Variants in SGCD observed in about 807,000 individuals in gnomAD.
SGCD encodes sarcoglycan delta.
SGCD carries 18 observed loss-of-function variants against 36.6 expected under a neutral mutation model. That is an observed-to-expected ratio of 0.49 (90% CI 0.34 to 0.73). The LOEUF (loss-of-function observed/expected upper bound fraction) is 0.73. Among genes scored for constraint, SGCD ranks in the 30% least tolerant of loss-of-function variants. The probability of loss-of-function intolerance (pLI) is 0.01; values close to 1 mark genes in which losing one functional copy is unlikely to be tolerated. For missense variants in SGCD, 387 were observed against 346.7 expected, an observed-to-expected ratio of 1.12 and a Z score of -0.92; for synonymous variants, 133 against 130.6, an observed-to-expected ratio of 1.02 and a Z score of -0.12.
chr5:156,497,350 G>C (rs950811438), intron 3 of SGCD, among the ~76,000 whole-genome samples: 1 of 152,082 alleles, frequency 6.6e-6, no homozygotes, highest in Non-Finnish European at 1.5e-5. Context: ...TTCCCTCTCT[G>C]TGTTGAGGCA....
chr5:156,474,644 C>T (rs756720961), intron 3 of SGCD, among the ~76,000 whole-genome samples: 4 of 152,288 alleles, frequency 2.6e-5, no homozygotes, highest in Middle Eastern at 6.8e-3. Context: ...TTTTGGTCCC[C>T]ATTGAAGCAG....
intron 3 of SGCD, among the ~76,000 whole-genome samples, chr5:156,316,664 G>T (rs1337763214): frequency 6.6e-6 from 1 of 151,822 alleles, no homozygotes; most frequent in Non-Finnish European, 1.5e-5. Context: ...TATGATGTGT[G>T]GTCAACTATT....
intron 3 of SGCD, among the ~76,000 whole-genome samples, chr5:156,206,273 G>T (rs2127639066): frequency 6.6e-6 from 1 of 151,842 alleles, no homozygotes; most frequent in East Asian, 1.9e-4. Context: ...CTGTGGCTTG[G>T]CATTCGGGGT....
intron 3 of SGCD, among the ~76,000 whole-genome samples, chr5:156,444,402 A>C (rs1354451772): frequency 6.6e-6 from 1 of 152,066 alleles, no homozygotes; most frequent in African/African-American, 2.4e-5. Flanking sequence ...TGCTTAGCTT[A>C]GAAGCTTGGT....
chr5:156,504,392 G>GTA (rs59580975), intron 3 of SGCD, among the ~76,000 whole-genome samples: 2,214 of 74,874 alleles, frequency 0.03, 27 homozygotes, highest in South Asian at 0.067. Context: ...GTGTGTGTGT[G>GTA]TATATATATA....
At chr5:156,524,167 G>T (rs1401278210) in intron 4 of SGCD, among the ~76,000 whole-genome samples, 6 of 61,160 alleles carry the variant, frequency 9.8e-5, no homozygotes, top group Non-Finnish European at 1.6e-4. Context: ...TAAAACTACA[G>T]TTTTATATAG....
At chr5:155,764,351 C>T in the SGCD span, among the ~76,000 whole-genome samples, 1 of 152,136 alleles carries the variant, frequency 6.6e-6, no homozygotes, top group Admixed American at 6.6e-5. Context: ...TGCCTTTTGA[C>T]AAGCATTTAT....
At chr5:155,963,639 G>A (rs1283044146) in intron 1 of SGCD, among the ~76,000 whole-genome samples, 1 of 151,984 alleles carries the variant, frequency 6.6e-6, no homozygotes, top group East Asian at 1.9e-4. Flanking sequence ...CCATTATAGA[G>A]CTAAGAAAAC....
At chr5:156,348,285 G>T (rs1769051023) in intron 3 of SGCD, among the ~76,000 whole-genome samples, 1 of 152,046 alleles carries the variant, frequency 6.6e-6, no homozygotes, top group African/African-American at 2.4e-5. Flanking sequence ...GAAATAAAGG[G>T]CATCCAAATT....
chr5:156,123,694 GTCAAGACTGAATCCAT>G (rs1293391601), intron 2 of SGCD, among the ~76,000 whole-genome samples: 1 of 152,038 alleles, frequency 6.6e-6, no homozygotes, highest in Non-Finnish European at 1.5e-5. Context: ...CTTTAATTCA[GTCAAGACTGAATCCAT>G]TCAGGGATTC....
intron 3 of SGCD, among the ~76,000 whole-genome samples, chr5:156,505,505 A>T (rs753898120): frequency 3.9e-5 from 6 of 152,176 alleles, no homozygotes; most frequent in Non-Finnish European, 8.8e-5. Context: ...AAGCTGCAGG[A>T]GGCTGAAATA....
intron 1 of SGCD, among the ~76,000 whole-genome samples, chr5:156,105,796 G>A (rs1337177456): frequency 6.6e-6 from 1 of 152,032 alleles, no homozygotes; most frequent in Non-Finnish European, 1.5e-5. Context: ...TCTCCTTTAA[G>A]GGATCACTTA....
At position 156,673,580 on chromosome 5, in the gene SGCD, T is replaced by C. The variant is rs147140931; in HGVS notation, c.575+26044T>C. Among the ~76,000 whole-genome samples, 3 of 152,292 alleles carry C rather than the reference T, an allele frequency of 2.0e-5. No homozygotes were observed. The East Asian group carries it at 5.8e-4, about 29-fold the overall frequency. On this transcript the variant is annotated intron_variant, in intron 7 of 8. Transcript: ENST00000337851. ...ATATAACCTGACTCGTTAATGATAA[T>C]TTTCCTTGCCTGGCATCTGGGCTCA...
chr5:156,544,616 TAA>T (rs879600899), intron 4 of SGCD, among the ~76,000 whole-genome samples: 1 of 138,274 alleles, frequency 7.2e-6, no homozygotes, highest in African/African-American at 2.6e-5. Flanking sequence ...GAAGGCCAAT[TAA>T]AAAAAAAAAA....
chr5:156,021,234 AT>A (rs1175002881), intron 1 of SGCD, among the ~76,000 whole-genome samples: 1 of 152,100 alleles, frequency 6.6e-6, no homozygotes, highest in Non-Finnish European at 1.5e-5. Flanking sequence ...GCTTTTCATA[AT>A]TTTTTAAAAA....
At chr5:156,092,705 C>A (rs1437611104) in intron 1 of SGCD, among the ~76,000 whole-genome samples, 1 of 152,170 alleles carries the variant, frequency 6.6e-6, no homozygotes, top group Non-Finnish European at 1.5e-5. Flanking sequence ...TCCAGCAGGA[C>A]CTGTAAGTGT....
chr5:155,917,703 T>C (rs1300752613), intron 1 of SGCD, among the ~76,000 whole-genome samples: 1 of 152,158 alleles, frequency 6.6e-6, no homozygotes, highest in Non-Finnish European at 1.5e-5. Flanking sequence ...ACAGCTCACC[T>C]TGCTCTCAGA....
At position 156,071,012 on chromosome 5, in the gene SGCD, T is replaced by G. The variant is rs1581077737; in HGVS notation, c.-281-46866T>G. Among the ~76,000 whole-genome samples, 5 of 152,306 alleles carry G rather than the reference T, an allele frequency of 3.3e-5. No homozygotes were observed. The South Asian group carries it at 1.0e-3, about 32-fold the overall frequency. Reference sequence around the variant, plus strand: ...TCATTTTTTATTGCATCTATTTGATTCTTCTCTCTTTTCTTCTTTATTAGT... The same window carrying G: ...TCATTTTTTATTGCATCTATTTGATGCTTCTCTCTTTTCTTCTTTATTAGT... On this transcript the variant is annotated intron_variant, in intron 1 of 9. Transcript: ENST00000517913.
chr5:156,284,522 G>A (rs187388614), intron 3 of SGCD, among the ~76,000 whole-genome samples: 11 of 152,084 alleles, frequency 7.2e-5, no homozygotes, highest in South Asian at 4.1e-4. Flanking sequence ...TTCAACATAC[G>A]CAAATCAATA....
Sources: gnomAD v4.1 joint callset for allele counts (sites outside exome capture counted in the v4.1 genomes callset) on GRCh38, gnomAD v4.1.1 for gene constraint, MANE v1.5 for transcripts, NCBI Gene and HGNC (gene_info 2026-07-23, HGNC 2026-07-21) for gene names.